Variants in FAM120B observed in about 807,000 individuals in gnomAD.
The protein encoded by FAM120B is family with sequence similarity 120 member B.
In FAM120B, 83 loss-of-function variants were observed where a neutral mutation model predicts 96.3. That is an observed-to-expected ratio of 0.86 (90% CI 0.72 to 1.03). FAM120B has a LOEUF of 1.03. FAM120B is among the 50% of genes least tolerant of loss of function. The pLI is 0.00. For missense variants in FAM120B, 1,027 were observed against 1,121.2 expected (o/e 0.92, Z 1.20); for synonymous variants, 407 against 402.7 (o/e 1.01, Z -0.13).
chr6:170,352,105 C>G (rs965539371), intron 5 of FAM120B, among the ~76,000 whole-genome samples: 1 of 152,036 alleles, frequency 6.6e-6, no homozygotes, highest in Non-Finnish European at 1.5e-5. Context: ...ATTTACCAAG[C>G]AAATGGAAAA....
At chr6:170,373,520 T>C (rs2115258882) in intron 6 of FAM120B, among the ~76,000 whole-genome samples, 1 of 152,352 alleles carries the variant, frequency 6.6e-6, no homozygotes, top group Middle Eastern at 3.4e-3. Flanking sequence ...GAAAATGTTC[T>C]GTCTCCCAAT....
chr6:170,298,660 C>T (rs1784076225), intron 1 of FAM120B, among the ~76,000 whole-genome samples: 1 of 151,986 alleles, frequency 6.6e-6, no homozygotes, highest in Non-Finnish European at 1.5e-5. Flanking sequence ...GTTGGTGAGT[C>T]TGAATTTTTT....
chr6:170,333,085 A>G (rs775341613), intron 4 of FAM120B, among the ~76,000 whole-genome samples: 3 of 152,134 alleles, frequency 2.0e-5, no homozygotes, highest in African/African-American at 7.2e-5. Flanking sequence ...AATAATCAAA[A>G]TTAACGAGCC....
At chr6:170,375,022 C>G (rs768450251) in intron 6 of FAM120B, among the ~76,000 whole-genome samples, 3 of 152,226 alleles carry the variant, frequency 2.0e-5, no homozygotes, top group Non-Finnish European at 4.4e-5. Flanking sequence ...GATGAGATCA[C>G]CACAACCCAC....
At chr6:170,345,268 T>C (rs1486491061) in intron 4 of FAM120B, among the ~76,000 whole-genome samples, 1 of 152,190 alleles carries the variant, frequency 6.6e-6, no homozygotes, top group Non-Finnish European at 1.5e-5. Flanking sequence ...GAAAATTTAT[T>C]AATGCCCTGC....
At chr6:170,394,686 T>TCCGTGGACACCGCAGCATGC (rs1790636755) in intron 8 of FAM120B, among the ~76,000 whole-genome samples, 3 of 43,040 alleles carry the variant, frequency 7.0e-5, no homozygotes, top group African/African-American at 2.2e-4. Context: ...CCGCAGCATG[T>TCCGTGGACACCGCAGCATGC]CAGCACAAGG....
intron 4 of FAM120B, among the ~76,000 whole-genome samples, chr6:170,344,287 C>G (rs13206976): frequency 8.8e-6 from 1 of 113,864 alleles, no homozygotes; most frequent in Non-Finnish European, 1.8e-5. Context: ...TCACCTGCAC[C>G]GTTGCCTGCG....
At chr6:170,331,930 C>T (rs1378134997) in intron 4 of FAM120B, among the ~76,000 whole-genome samples, 5 of 152,202 alleles carry the variant, frequency 3.3e-5, no homozygotes, top group African/African-American at 1.2e-4. Context: ...GGCCACGTCT[C>T]AAACACACTC....
rs902094270 is a variant in FAM120B, at chr6:170,406,448, A to C, written c.*1697A>C. Reference sequence around the variant, plus strand: ...CGAATTACCTTGACCAACGGGCCAAAGGCACAGAGCTCCAAGGCATCATCT... The same window carrying C: ...CGAATTACCTTGACCAACGGGCCAACGGCACAGAGCTCCAAGGCATCATCT... On this transcript the variant is annotated 3_prime_UTR_variant, in exon 11 of 11. Transcript: ENST00000476287. The C allele has an allele frequency of 3.3e-5, 5 of 152,244 alleles. No homozygotes were observed. Among genetic ancestry groups the C allele is most frequent in the Admixed American group, 2.6e-4 (4 of 15,290 alleles). The allele number at this position is 152,244 out of a possible 1,614,324, so 9.4% of individuals were successfully genotyped here. A position where few individuals can be genotyped will look rare whatever the true frequency, so the allele number is the denominator to read the frequency against.
chr6:170,399,596 A>T (rs1778425382), intron 9 of FAM120B, among the ~76,000 whole-genome samples: 1 of 149,730 alleles, frequency 6.7e-6, no homozygotes, highest in Non-Finnish European at 1.5e-5. Context: ...CTTAGGAGTG[A>T]GTGAGGAAGG....
At chr6:170,359,035 T>G (rs1462905961) in intron 6 of FAM120B, among the ~76,000 whole-genome samples, 2 of 152,236 alleles carry the variant, frequency 1.3e-5, no homozygotes, top group South Asian at 4.1e-4. Flanking sequence ...AGCTGTAGTT[T>G]AGTTGCATTC....
At chr6:170,390,249 A>C (rs1448417782) in intron 7 of FAM120B, among the ~76,000 whole-genome samples, 1 of 152,226 alleles carries the variant, frequency 6.6e-6, no homozygotes, top group African/African-American at 2.4e-5. Context: ...AGAGTGGCAT[A>C]GGACTGCAAG....
chr6:170,296,194 C>T (rs1784000403), intron 1 of FAM120B, among the ~76,000 whole-genome samples: 1 of 152,014 alleles, frequency 6.6e-6, no homozygotes, highest in Non-Finnish European at 1.5e-5. Flanking sequence ...GCCGACTGAA[C>T]GCGCCGGGAC....
chr6:170,319,664 AAAAT>A (rs1785161080), intron 2 of FAM120B, among the ~76,000 whole-genome samples: 1 of 152,212 alleles, frequency 6.6e-6, no homozygotes, highest in South Asian at 2.1e-4. Context: ...TCAAAAAATA[AAAAT>A]AAATAAAGTA....
At chr6:170,369,142 G>GAAATGAACAAAGCAAAAGAAAGC (rs1187937091) in intron 6 of FAM120B, among the ~76,000 whole-genome samples, 30 of 149,728 alleles carry the variant, frequency 2.0e-4, no homozygotes, top group Non-Finnish European at 3.4e-4. Flanking sequence ...AGATAAGATA[G>GAAATGAACAAAGCAAAAGAAAGC]AAATGAACAA....
chr6:170,321,757 CT>C (rs1483579412), intron 2 of FAM120B, among the ~76,000 whole-genome samples: 1 of 152,198 alleles, frequency 6.6e-6, no homozygotes, highest in African/African-American at 2.4e-5. Flanking sequence ...CTTATATTGA[CT>C]CATTTAATCC....
At chr6:170,319,510 A>G (rs1583193244) in intron 2 of FAM120B, among the ~76,000 whole-genome samples, 1 of 152,184 alleles carries the variant, frequency 6.6e-6, no homozygotes, top group Non-Finnish European at 1.5e-5. Flanking sequence ...TCTACTAAAA[A>G]TACAGAAATC....
chr6:170,327,330 G>A (rs1240438290), intron 3 of FAM120B, among the ~76,000 whole-genome samples: 1 of 152,198 alleles, frequency 6.6e-6, no homozygotes, highest in African/African-American at 2.4e-5. Context: ...ACAGGCGTGA[G>A]CCACCGCGCC....
intron 4 of FAM120B, among the ~76,000 whole-genome samples, chr6:170,343,056 A>G (rs563728716): frequency 3.9e-5 from 6 of 152,318 alleles, no homozygotes; most frequent in African/African-American, 1.4e-4. Flanking sequence ...ATTCTCTTGC[A>G]TCGCAACCCT....
Sources: gnomAD v4.1 joint callset for allele counts (sites outside exome capture counted in the v4.1 genomes callset) on GRCh38, gnomAD v4.1.1 for gene constraint, MANE v1.5 for transcripts, NCBI Gene and HGNC (gene_info 2026-07-23, HGNC 2026-07-21) for gene names.